Variants in JAML observed in about 807,000 individuals in gnomAD.
JAML encodes the protein junction adhesion molecule like, also known as junctional adhesion molecule-like.
A neutral mutation model predicts 39.3 loss-of-function variants in JAML; 25 were observed. The observed-to-expected ratio is 0.64, with a 90% CI of 0.46 to 0.89. The LOEUF is 0.89. Among genes scored for constraint, JAML ranks in the 40% least tolerant of loss-of-function variants. JAML has a pLI of 0.00. For missense variants in JAML, 440 were observed against 486.9 expected (o/e 0.90, Z 0.91); for synonymous variants, 162 against 179.2 (o/e 0.90, Z 0.77).
Position 118,194,412 on chromosome 11 carries a change from T to C in JAML, c.1098A>G (p.Pro366=), listed in dbSNP as rs759108091. ...GATCTGACCTCAGAGAAGGCCAAAC[T>C]GGGTGCTGTGGGGGAAGGGCAGAAA... is the stretch of plus-strand genomic sequence containing the variant. ...KSEATYMTMH[P]VWPSLRSDRN... The change falls in exon 10 of 10, where the codon CCA becomes CCG. Residue 366 remains proline (P), a synonymous_variant. Coordinates refer to ENST00000356289, the MANE Select transcript of JAML (RefSeq NM_001098526.2). The C allele has an allele frequency of 6.2e-7, 1 of 1,614,000 alleles. No individual in the cohort carries two copies. Among genetic ancestry groups the C allele is most frequent in the South Asian group, 1.1e-5 (1 of 91,076 alleles).
In JAML at chr11:118,194,420, G is replaced by C. The variant is rs1299248893; in HGVS notation, c.1093-3C>G. The stretch of plus-strand genomic sequence containing the variant: ...CTCAGAGAAGGCCAAACTGGGTGCT[G>C]TGGGGGAAGGGCAGAAAGAAACAAA... On this transcript the variant is annotated splice_polypyrimidine_tract_variant and splice_region_variant and intron_variant, in intron 9 of 9. Coordinates refer to ENST00000356289, the MANE Select transcript of JAML (RefSeq NM_001098526.2). The C allele has an allele frequency of 6.2e-7, 1 of 1,613,556 alleles. No homozygotes were observed.
chr11:118,198,092 C>T lies in JAML; in HGVS notation c.912-1G>A. 6.2e-7 allele frequency: 1 copy of T among 1,613,310 alleles called. No homozygotes were observed. On this transcript the variant is annotated splice_acceptor_variant, in intron 7 of 9. Coordinates refer to ENST00000356289, the MANE Select transcript of JAML (RefSeq NM_001098526.2). LOFTEE classifies it high-confidence loss of function. ...CACCAAGACTGTAGAATTCACTGAA[C>T]TGCAAGACATGAAAAGCATGTGGAA...
At chr11:118,213,275 G>T in intron 2 of JAML, 2 of 1,140,184 alleles carry the variant, frequency 1.8e-6, no homozygotes, top group Non-Finnish European at 2.2e-6. Context: ...GTTTTCACAA[G>T]ATATGCTCTA....
intron 7 of JAML, among the ~76,000 whole-genome samples, chr11:118,199,242 C>T (rs2134644736): frequency 6.6e-6 from 1 of 152,292 alleles, no homozygotes; most frequent in East Asian, 1.9e-4. Context: ...CATGGAAGTG[C>T]TACCTTTCCT....
Position 118,200,622 on chromosome 11 carries a change from G to A in JAML, c.773-10C>T, listed in dbSNP as rs201593686. On this transcript the variant is annotated splice_polypyrimidine_tract_variant and intron_variant, in intron 6 of 9. Transcript: ENST00000356289. Reference sequence around the variant, plus strand: ...GCCGGGGTCACCAGTGCTTGGGAAAGTAGAAAAGCAAGGAGAGGGTCTCAA... The same window carrying A: ...GCCGGGGTCACCAGTGCTTGGGAAAATAGAAAAGCAAGGAGAGGGTCTCAA... 53 of 1,614,068 alleles carry A rather than the reference G, an allele frequency of 3.3e-5. No individual in the cohort carries two copies. Among genetic ancestry groups the A allele is most frequent in the Non-Finnish European group, 4.4e-5 (52 of 1,180,002 alleles).
Position 118,198,050 on chromosome 11 carries a change from GTCT to G in JAML, c.950_952del (p.Lys317del). ...GGGTTTTTCTTTTATCTCTGGATTA[GTCT>G]TCTTCGTGTTCTTCACCAAGACTGT... On this transcript the variant is annotated inframe_deletion, in exon 8 of 10. Coordinates refer to ENST00000356289, the MANE Select transcript of JAML (RefSeq NM_001098526.2). 2 of 1,614,168 alleles carry G rather than the reference GTCT, an allele frequency of 1.2e-6. No individual in the cohort carries two copies. The highest frequency in any genetic ancestry group is 1.7e-6 in the Non-Finnish European group (2 of 1,179,994).
intron 4 of JAML, among the ~76,000 whole-genome samples, chr11:118,209,531 A>G (rs1948997921): frequency 6.6e-6 from 1 of 151,922 alleles, no homozygotes; most frequent in Non-Finnish European, 1.5e-5. Flanking sequence ...TCTTTTTTCT[A>G]TTTTAAGAGA....
intron 1 of JAML, among the ~76,000 whole-genome samples, chr11:118,216,490 C>T (rs928221191): frequency 6.6e-6 from 1 of 152,190 alleles, no homozygotes; most frequent in South Asian, 2.1e-4. Context: ...TCAGGTCCCA[C>T]TTACACAGAG....
At chr11:118,199,693 ATTT>A (rs34379845) in intron 7 of JAML, among the ~76,000 whole-genome samples, 24,109 of 106,730 alleles carry the variant, frequency 0.23, 2,285 homozygotes, top group African/African-American at 0.33. Flanking sequence ...TATTATTATT[ATTT>A]TTTTTTTTTT....
intron 4 of JAML, among the ~76,000 whole-genome samples, chr11:118,207,695 G>C (rs986419259): frequency 6.6e-6 from 1 of 152,054 alleles, no homozygotes; most frequent in African/African-American, 2.4e-5. Flanking sequence ...GTTGGAGCAC[G>C]GTCCACTAGG....
At chr11:118,218,951 T>G (rs551720153) in intron 1 of JAML, among the ~76,000 whole-genome samples, 38 of 152,320 alleles carry the variant, frequency 2.5e-4, no homozygotes, top group African/African-American at 8.4e-4. Context: ...TAATTCTCCA[T>G]AGTAAGTTAT....
chr11:118,209,367 G>A (rs1948994556), intron 4 of JAML, among the ~76,000 whole-genome samples: 1 of 152,142 alleles, frequency 6.6e-6, no homozygotes, highest in Non-Finnish European at 1.5e-5. Flanking sequence ...AATGCAGGTG[G>A]GAGCCTAGGG....
At chr11:118,208,636 C>T (rs1948974620) in intron 4 of JAML, among the ~76,000 whole-genome samples, 1 of 152,190 alleles carries the variant, frequency 6.6e-6, no homozygotes, top group Admixed American at 6.5e-5. Context: ...GATTCTAGTT[C>T]CCTAACTACA....
At chr11:118,196,132 C>CT (rs748213507) in intron 9 of JAML, among the ~76,000 whole-genome samples, 3,183 of 131,978 alleles carry the variant, frequency 0.024, 41 homozygotes, top group Middle Eastern at 0.054. Flanking sequence ...CATGCTCGGC[C>CT]TTTTTTTTTT....
intron 6 of JAML, chr11:118,202,660 C>A (rs1486663658): frequency 3.5e-6 from 1 of 285,090 alleles, no homozygotes; most frequent in South Asian, 3.3e-5. Flanking sequence ...ACCTGCCGTG[C>A]TCCCCTCTCC....
At chr11:118,196,466 C>T (rs369331479) in intron 9 of JAML, among the ~76,000 whole-genome samples, 54 of 152,038 alleles carry the variant, frequency 3.6e-4, no homozygotes, top group African/African-American at 1.3e-3. Flanking sequence ...AGGCAAAAGA[C>T]GTCCTCCCTG....
intron 6 of JAML, chr11:118,201,658 G>A (rs7949751): frequency 0.71 from 108,518 of 152,302 alleles, 38,836 homozygotes; most frequent in South Asian, 0.81. Flanking sequence ...GAAGAATGAG[G>A]AGCAGTGGCT....
At position 118,210,516 on chromosome 11, in the gene JAML, A is replaced by G. The variant is rs375956683; in HGVS notation, c.395T>C (p.Val132Ala). The G allele has an allele frequency of 6.2e-7, 1 of 1,613,992 alleles. No homozygotes were observed. Among genetic ancestry groups the G allele is most frequent in the Non-Finnish European group, 8.5e-7 (1 of 1,180,006 alleles). Residue 132 changes from valine to alanine, a missense_variant, in exon 4 of 10, where the codon GTA (valine) becomes GCA (alanine). Physicochemically the swap from Val to Ala is moderately conservative, Grantham distance 64. Coordinates refer to ENST00000356289, the MANE Select transcript of JAML (RefSeq NM_001098526.2). The stretch of plus-strand genomic sequence containing the variant: ...GGGCTCCTCTGGAAGCACATGCAGT[A>G]CCACCGCCTTCTTGAACACCTGGCT... ...GESQVFKKAVVLHVLPEEPKE... is the reference protein window; with the variant it reads ...GESQVFKKAVALHVLPEEPKE...
At chr11:118,214,347 G>A (rs1430088606) in intron 2 of JAML, among the ~76,000 whole-genome samples, 1 of 152,160 alleles carries the variant, frequency 6.6e-6, no homozygotes, top group East Asian at 1.9e-4. Flanking sequence ...TTGCTAGGTT[G>A]AAGTGCTGGG....
Sources: gnomAD v4.1 joint callset for allele counts (sites outside exome capture counted in the v4.1 genomes callset) on GRCh38, gnomAD v4.1.1 for gene constraint, MANE v1.5 for transcripts, NCBI Gene and HGNC (gene_info 2026-07-23, HGNC 2026-07-21) for gene names.